CRACR2A: variants seen among roughly 807,000 people sequenced by gnomAD.
The protein encoded by CRACR2A is EF-hand calcium-binding domain-containing protein 4B.
Under a neutral mutation model 90.5 loss-of-function variants are expected in CRACR2A, and 79 were observed. That is an observed-to-expected ratio of 0.87 (90% CI 0.73 to 1.05). The LOEUF is 1.05. Ranked by LOEUF, CRACR2A falls within the 50% of genes least tolerant of loss-of-function variation. The pLI, the probability that CRACR2A is intolerant of heterozygous loss-of-function variation, is 0.00. For synonymous variants in CRACR2A, 338 were observed against 356.7 expected (o/e 0.95, Z 0.59); for missense variants, 823 against 897.2 (o/e 0.92, Z 1.06).
At chr12:3,676,313 C>T (rs1027329714) in intron 6 of CRACR2A, among the ~76,000 whole-genome samples, 4 of 152,152 alleles carry the variant, frequency 2.6e-5, no homozygotes, top group African/African-American at 9.7e-5. Context: ...GGTCTTATTT[C>T]ATCCTATAGG....
intron 1 of CRACR2A, among the ~76,000 whole-genome samples, chr12:3,752,796 C>T (rs1946729551): frequency 6.6e-6 from 1 of 152,116 alleles, no homozygotes; most frequent in Admixed American, 6.5e-5. Flanking sequence ...CCTCCAGTCC[C>T]GTTACCGAGT....
At chr12:3,655,871 G>A (rs1054520409) in intron 9 of CRACR2A, among the ~76,000 whole-genome samples, 1 of 152,218 alleles carries the variant, frequency 6.6e-6, no homozygotes, top group African/African-American at 2.4e-5. Context: ...GGCTGACCTT[G>A]GAAGAACCTG....
At chr12:3,678,570 T>C (rs528739874) in intron 6 of CRACR2A, among the ~76,000 whole-genome samples, 3 of 151,864 alleles carry the variant, frequency 2.0e-5, no homozygotes, top group Non-Finnish European at 4.4e-5. Context: ...GAGAGCATGG[T>C]ACAGACCTCT....
At chr12:3,666,358 T>TGTGTGTGTGTGTGTGC (rs758896769) in intron 7 of CRACR2A, among the ~76,000 whole-genome samples, 144 of 148,526 alleles carry the variant, frequency 9.7e-4, no homozygotes, top group African/African-American at 3.5e-3. Context: ...TGTGTGTGCG[T>TGTGTGTGTGTGTGTGC]GCGTGTGCGC....
At chr12:3,638,829 A>C (rs1385160659) in intron 13 of CRACR2A, among the ~76,000 whole-genome samples, 1 of 152,240 alleles carries the variant, frequency 6.6e-6, no homozygotes, top group African/African-American at 2.4e-5. Context: ...ACTGCTGTGA[A>C]GGAGAAGGAA....
chr12:3,627,398 G>C (rs1306100551), intron 17 of CRACR2A, 38 bp downstream of exon 17: 2 of 1,465,080 alleles, frequency 1.4e-6, no homozygotes, highest in Admixed American at 2.0e-5. Context: ...AGAAGCCACA[G>C]TCAAGCCTAA....
chr12:3,659,681 C>T, intron 7 of CRACR2A, 27 bp from the exon 8 acceptor site: 2 of 1,588,094 alleles, frequency 1.3e-6, no homozygotes, highest in East Asian at 2.2e-5. Flanking sequence ...AGGAGAGTCT[C>T]ATTGAGGTTC....
rs530391977 is a variant in CRACR2A, at chr12:3,629,852, G to C, written c.1736-2146C>G. Among the ~76,000 whole-genome samples, 151 of 133,134 alleles carry C rather than the reference G, an allele frequency of 1.1e-3. 1 individual carries two copies. Among genetic ancestry groups the C allele is most frequent in the Non-Finnish European group, 6.3e-4 (42 of 66,496 alleles). 87.3% of individuals were successfully genotyped at this position (133,134 alleles called of 152,430 possible). On this transcript the variant is annotated intron_variant, in intron 15 of 19. Coordinates refer to ENST00000440314, the MANE Select transcript of CRACR2A (RefSeq NM_001144958.2). Reference sequence around the variant, plus strand: ...GAAGGACACAAGGAAAAGACAAGGGGGGGGGGGGATGAAGAGGTGGCATGT... The same window carrying C: ...GAAGGACACAAGGAAAAGACAAGGGCGGGGGGGGATGAAGAGGTGGCATGT...
intron 6 of CRACR2A, among the ~76,000 whole-genome samples, chr12:3,674,265 G>T (rs1392924170): frequency 6.6e-6 from 1 of 152,192 alleles, no homozygotes; most frequent in Admixed American, 6.5e-5. Context: ...AAAAAGAAGG[G>T]AAGGAGCAAG....
Position 3,638,329 on chromosome 12 carries a change from CG to C in CRACR2A, c.1396del (p.Arg466GlyfsTer26), listed in dbSNP as rs894710122. Reference protein sequence around the residue: ...GEPGPGGPYPRPLRRIISVEE... With the variant: ...GEPGPGGPYPXPLRRIISVEE... The stretch of plus-strand genomic sequence containing the variant: ...AACGGAGATGATTCTGCGGAGCGGC[CG>C]GGGGTACGGACCCCCAGGCCCTGGC... On this transcript the variant is annotated frameshift_variant, in exon 14 of 20. Transcript: ENST00000440314. LOFTEE classifies it high-confidence loss of function. 2.8e-5 allele frequency: 44 copies of C among 1,551,006 alleles called. No homozygotes were observed. In the African/African-American group the frequency reaches 4.2e-4, roughly 15 times the overall value.
At chr12:3,713,193 G>C in intron 3 of CRACR2A, 44 bp downstream of exon 3, 2 of 952,240 alleles carry the variant, frequency 2.1e-6, no homozygotes, top group Non-Finnish European at 2.5e-6. Context: ...GGTGGGGGCA[G>C]ATCTAGTACT....
chr12:3,681,077 G>A (rs113287988), intron 4 of CRACR2A, among the ~76,000 whole-genome samples: 15,203 of 152,190 alleles, frequency 0.1, 861 homozygotes, highest in African/African-American at 0.13. Context: ...CTTACTTGAG[G>A]CCTCTCCTGC....
At chr12:3,629,877 T>G (rs1944349345) in intron 15 of CRACR2A, among the ~76,000 whole-genome samples, 1 of 150,516 alleles carries the variant, frequency 6.6e-6, no homozygotes, top group African/African-American at 2.4e-5. Flanking sequence ...AGGTGGCATG[T>G]GCAAACATGA....
chr12:3,641,952 A>G (rs1292788138), intron 12 of CRACR2A, 114 bp from the exon 13 acceptor site: 4 of 901,308 alleles, frequency 4.4e-6, no homozygotes, highest in Non-Finnish European at 6.9e-6. Flanking sequence ...CTCTGAAAGG[A>G]GTAGGCAGTG....
intron 7 of CRACR2A, among the ~76,000 whole-genome samples, chr12:3,669,253 T>C (rs919803913): frequency 2.0e-5 from 3 of 152,306 alleles, no homozygotes; most frequent in Admixed American, 2.0e-4. Flanking sequence ...AGTCTGGATC[T>C]ACTGCTGCCT....
chr12:3,708,334 C>G (rs531757891), intron 3 of CRACR2A, among the ~76,000 whole-genome samples: 2 of 152,342 alleles, frequency 1.3e-5, no homozygotes, highest in South Asian at 4.1e-4. Context: ...GAGGCTGGAA[C>G]TTTGCTGAGA....
chr12:3,647,482 G>GA (rs199758604), intron 11 of CRACR2A, among the ~76,000 whole-genome samples: 36 of 151,766 alleles, frequency 2.4e-4, no homozygotes, highest in Admixed American at 2.1e-3. Context: ...AAATGCAATA[G>GA]AAAAAAAAGA....
At chr12:3,736,113 T>C (rs1946445496) in intron 1 of CRACR2A, among the ~76,000 whole-genome samples, 2 of 151,896 alleles carry the variant, frequency 1.3e-5, no homozygotes, top group South Asian at 2.1e-4. Flanking sequence ...ACAAGATCTC[T>C]GGCATGAGTG....
At chr12:3,729,073 G>T (rs1035405610) in intron 2 of CRACR2A, 1 of 152,236 alleles carries the variant, frequency 6.6e-6, no homozygotes, top group African/African-American at 2.4e-5. Context: ...GCAGCTTTCT[G>T]TTGACCTGCC....
Sources: allele counts gnomAD v4.1 joint callset (sites outside exome capture counted in the v4.1 genomes callset), GRCh38; gene constraint gnomAD v4.1.1; transcripts MANE v1.5; gene names NCBI Gene and HGNC (gene_info 2026-07-23, HGNC 2026-07-21).